Variants in CCSER1 observed in about 807,000 individuals in gnomAD.
The protein encoded by CCSER1 is serine-rich coiled-coil domain-containing protein 1.
CCSER1 carries 41 observed loss-of-function variants against 82.0 expected under a neutral mutation model. The observed-to-expected ratio is 0.50, with a 90% CI of 0.39 to 0.65. CCSER1 has a LOEUF of 0.65. CCSER1 is among the 30% of genes least tolerant of loss of function. CCSER1 has a pLI of 0.00. For missense variants in CCSER1, 1,119 were observed against 1,064.2 expected (o/e 1.05, Z -0.72); for synonymous variants, 414 against 383.9 (o/e 1.08, Z -0.92).
intron 9 of CCSER1, among the ~76,000 whole-genome samples, chr4:91,020,970 T>C (rs185099908): frequency 2.0e-5 from 3 of 152,138 alleles, no homozygotes; most frequent in Non-Finnish European, 2.9e-5. Flanking sequence ...CTAGCTACAT[T>C]CCTTTAAATC....
At chr4:91,594,055 A>G (rs781627337) in intron 10 of CCSER1, among the ~76,000 whole-genome samples, 4 of 152,058 alleles carry the variant, frequency 2.6e-5, no homozygotes, top group Non-Finnish European at 4.4e-5. Flanking sequence ...TAGGAATTCT[A>G]TGGATAGGTA....
intron 9 of CCSER1, among the ~76,000 whole-genome samples, chr4:90,933,504 T>C (rs1029334206): frequency 6.6e-6 from 1 of 151,828 alleles, no homozygotes; most frequent in Non-Finnish European, 1.5e-5. Context: ...TTTTTTTTTT[T>C]AATTTATGAA....
At chr4:91,475,950 C>T (rs1211786970) in intron 10 of CCSER1, among the ~76,000 whole-genome samples, 3 of 151,746 alleles carry the variant, frequency 2.0e-5, no homozygotes, top group African/African-American at 7.3e-5. Context: ...CAGTTCCATC[C>T]ATGTTGCTGC....
chr4:91,569,987 GC>G (rs1359325196), intron 10 of CCSER1, among the ~76,000 whole-genome samples: 2 of 152,116 alleles, frequency 1.3e-5, no homozygotes, highest in African/African-American at 4.8e-5. Context: ...GGGGGAAAAG[GC>G]ACTGGGTAAA....
chr4:90,952,009 T>C (rs1732969821), intron 9 of CCSER1, among the ~76,000 whole-genome samples: 1 of 151,990 alleles, frequency 6.6e-6, no homozygotes, highest in Non-Finnish European at 1.5e-5. Context: ...AAACACTAAC[T>C]GTCAATTTGG....
intron 1 of CCSER1, among the ~76,000 whole-genome samples, chr4:90,199,184 G>A (rs1737183161): frequency 6.6e-6 from 1 of 152,080 alleles, no homozygotes; most frequent in Non-Finnish European, 1.5e-5. Context: ...CTTCTTCTGA[G>A]ATTTCTATAC....
At chr4:90,490,596 C>T (rs1031320670) in intron 5 of CCSER1, among the ~76,000 whole-genome samples, 10 of 152,080 alleles carry the variant, frequency 6.6e-5, no homozygotes, top group Admixed American at 3.9e-4. Context: ...AGTCCTTGCC[C>T]ATGCCTATGT....
At chr4:90,589,981 A>T (rs1037540477) in intron 5 of CCSER1, among the ~76,000 whole-genome samples, 1 of 152,200 alleles carries the variant, frequency 6.6e-6, no homozygotes, top group Non-Finnish European at 1.5e-5. Flanking sequence ...TGGTAAAAAC[A>T]CTTAATTTTA....
chr4:90,514,719 G>A (rs1480320481), intron 5 of CCSER1, among the ~76,000 whole-genome samples: 1 of 151,826 alleles, frequency 6.6e-6, no homozygotes, highest in Non-Finnish European at 1.5e-5. Context: ...TCGTGCCACT[G>A]TACTCCAACC....
intron 8 of CCSER1, among the ~76,000 whole-genome samples, chr4:90,918,568 G>A (rs947043518): frequency 1.1e-4 from 14 of 122,040 alleles, no homozygotes; most frequent in African/African-American, 2.4e-4. Context: ...TTGAGTATGC[G>A]CACGTGCAAA....
chr4:90,710,787 T>G (rs1740452593), intron 6 of CCSER1, among the ~76,000 whole-genome samples: 1 of 152,112 alleles, frequency 6.6e-6, no homozygotes, highest in Non-Finnish European at 1.5e-5. Flanking sequence ...TTGTTCTTTT[T>G]GCTTAGGATT....
intron 10 of CCSER1, among the ~76,000 whole-genome samples, chr4:91,210,666 A>C (rs1736740157): frequency 6.6e-6 from 1 of 151,908 alleles, no homozygotes; most frequent in African/African-American, 2.4e-5. Flanking sequence ...TAAGGATATA[A>C]AATTCAAGTA....
At chr4:90,794,196 G>A (rs950405897) in intron 7 of CCSER1, among the ~76,000 whole-genome samples, 1 of 152,120 alleles carries the variant, frequency 6.6e-6, no homozygotes, top group Non-Finnish European at 1.5e-5. Context: ...TTTTGCTTTT[G>A]TTGTAATTGC....
chr4:90,619,055 G>A (rs114057834), intron 5 of CCSER1, among the ~76,000 whole-genome samples: 2,075 of 151,772 alleles, frequency 0.014, 55 homozygotes, highest in African/African-American at 0.048. Flanking sequence ...TCAACCAAAT[G>A]TTAAATAGAA....
chr4:91,204,354 C>T (rs923386001), intron 10 of CCSER1, among the ~76,000 whole-genome samples: 2 of 151,628 alleles, frequency 1.3e-5, no homozygotes, highest in African/African-American at 4.8e-5. Flanking sequence ...GCATAAATGG[C>T]GAATGAAATT....
intron 7 of CCSER1, among the ~76,000 whole-genome samples, chr4:90,735,608 A>ATAGT (rs1491434301): frequency 1.3e-5 from 2 of 152,134 alleles, no homozygotes; most frequent in Non-Finnish European, 1.5e-5. Context: ...TTATTGGCAC[A>ATAGT]TAGTTGCTCA....
rs552283716 is a variant in CCSER1 at position 91,159,020 on chromosome 4, T to G, written c.2217+73026T>G. Among the ~76,000 whole-genome samples, 23 of 152,080 alleles carry G rather than the reference T, an allele frequency of 1.5e-4. No homozygotes were observed. In the South Asian group the frequency reaches 4.6e-3, roughly 30 times the overall value. ...TTCCTGCAATTTAAGCTTTCTACAG[T>G]ACAGCTCGGATCATATTTCTCCCCT... On this transcript the variant is annotated intron_variant, in intron 10 of 10. Coordinates refer to ENST00000509176, the MANE Select transcript of CCSER1 (RefSeq NM_001145065.2).
chr4:91,206,550 G>T (rs1212382750), intron 10 of CCSER1, among the ~76,000 whole-genome samples: 4 of 151,870 alleles, frequency 2.6e-5, no homozygotes, highest in African/African-American at 9.7e-5. Flanking sequence ...ATATAGAGAA[G>T]GCCTTGCCCT....
At chr4:90,404,653 A>T (rs977481609) in intron 4 of CCSER1, among the ~76,000 whole-genome samples, 5 of 152,210 alleles carry the variant, frequency 3.3e-5, no homozygotes, top group African/African-American at 4.8e-5. Context: ...GCTAGTATCC[A>T]GGTCTGAAAG....
Sources: allele counts gnomAD v4.1 joint callset (sites outside exome capture counted in the v4.1 genomes callset), GRCh38; gene constraint gnomAD v4.1.1; transcripts MANE v1.5; gene names NCBI Gene and HGNC (gene_info 2026-07-23, HGNC 2026-07-21).